Variants in HAUS6 observed in about 807,000 individuals in gnomAD.
HAUS6 encodes the protein HAUS augmin like complex subunit 6, also known as HAUS augmin-like complex subunit 6.
Under a neutral mutation model 106.8 loss-of-function variants are expected in HAUS6, and 80 were observed. The observed-to-expected ratio is 0.75, with a 90% CI of 0.63 to 0.90. The LOEUF is 0.90. Among genes scored for constraint, HAUS6 ranks in the 40% least tolerant of loss-of-function variants. HAUS6 has a pLI of 0.00. For missense variants in HAUS6, 1,155 were observed against 1,118.1 expected (o/e 1.03, Z -0.47); for synonymous variants, 356 against 379.1 (o/e 0.94, Z 0.71).
intron 8 of HAUS6, among the ~76,000 whole-genome samples, chr9:19,082,459 T>C (rs1837177663): frequency 6.6e-6 from 1 of 151,988 alleles, no homozygotes; most frequent in African/African-American, 2.4e-5. Flanking sequence ...CTCATAGAAA[T>C]AAATTCTGGC....
Position 19,054,026 on chromosome 9 carries a change from G to C in HAUS6, c.*2317C>G, listed in dbSNP as rs1392919449. The C allele has an allele frequency of 6.6e-6, 1 of 152,188 alleles. No homozygotes were observed. Among genetic ancestry groups the C allele is most frequent in the Non-Finnish European group, 1.5e-5 (1 of 68,032 alleles). 9.4% of individuals were successfully genotyped at this position (152,188 alleles called of 1,614,324 possible). On this transcript the variant is annotated 3_prime_UTR_variant, in exon 17 of 17. Transcript: ENST00000380502. ...TAAACCATAGGAGATTTCAGAGAAG[G>C]AGTAGGCACATGGATATAAAAAGCG...
rs1836415699 is a variant in HAUS6 at position 19,053,984 on chromosome 9, T to C, written c.*2359A>G. 1 of 152,102 alleles carries C rather than the reference T, an allele frequency of 6.6e-6. No individual in the cohort carries two copies. The highest frequency in any genetic ancestry group is 2.1e-4 in the South Asian group (1 of 4,836). 9.4% of individuals were successfully genotyped at this position (152,102 alleles called of 1,614,324 possible). On this transcript the variant is annotated 3_prime_UTR_variant, in exon 17 of 17. Coordinates refer to ENST00000380502, the MANE Select transcript of HAUS6 (RefSeq NM_017645.5). ...TATAATAAAATCAATTCGTGGGATA[T>C]TAAATGAATAAAAAGATAAACCATA... is the stretch of plus-strand genomic sequence containing the variant.
At chr9:19,086,560 T>C (rs1837299662) in intron 7 of HAUS6, among the ~76,000 whole-genome samples, 174 bp downstream of exon 7, 1 of 144,894 alleles carries the variant, frequency 6.9e-6, no homozygotes, top group Non-Finnish European at 1.5e-5. Context: ...GCAGAGGGTG[T>C]AGTGAGCCAA....
chr9:19,089,789 G>T, intron 4 of HAUS6: 1 of 514,216 alleles, frequency 1.9e-6, no homozygotes. Flanking sequence ...CTCCCCAAAA[G>T]CTAGTATACC....
chr9:19,079,388 C>G (rs1837086823), intron 9 of HAUS6, among the ~76,000 whole-genome samples: 1 of 151,342 alleles, frequency 6.6e-6, no homozygotes, highest in Admixed American at 6.6e-5. Flanking sequence ...CACGCCACCA[C>G]GCCTGGCTAA....
chr9:19,087,282 G>C (rs1837320882), intron 5 of HAUS6, 126 bp from the exon 6 acceptor site: 3 of 669,268 alleles, frequency 4.5e-6, no homozygotes, highest in Non-Finnish European at 5.4e-6. Context: ...GCAAGCTAAA[G>C]GACTCTAGAC....
Position 19,102,522 on chromosome 9 carries a change from A to G in HAUS6, c.128+2T>C. On this transcript the variant is annotated splice_donor_variant, in intron 1 of 16. Transcript: ENST00000380502. LOFTEE classifies it high-confidence loss of function. Reference sequence around the variant, plus strand: ...TCGCCCCGCCGGCCCCGGCCTCCTTACACTCCGAGGTGCGTGTGCGACACG... The same window carrying G: ...TCGCCCCGCCGGCCCCGGCCTCCTTGCACTCCGAGGTGCGTGTGCGACACG... The G allele has an allele frequency of 6.2e-7, 1 of 1,612,820 alleles. No homozygotes were observed. Among genetic ancestry groups the G allele is most frequent in the South Asian group, 1.1e-5 (1 of 90,964 alleles).
chr9:19,056,293 G>A lies in HAUS6; in HGVS notation c.*50C>T. ...AGTTGTAATTCATTTTCTATCCTGT[G>A]GCATAGCTTCAATTTAAGTGCATCA... On this transcript the variant is annotated 3_prime_UTR_variant, in exon 17 of 17. Coordinates refer to ENST00000380502, the MANE Select transcript of HAUS6 (RefSeq NM_017645.5). The A allele has an allele frequency of 1.2e-6, 1 of 859,730 alleles. No individual in the cohort carries two copies. The highest frequency in any genetic ancestry group is 2.0e-6 in the Non-Finnish European group (1 of 507,134). The allele number at this position is 859,730 out of a possible 1,614,324, so 53.3% of individuals were successfully genotyped here.
intron 1 of HAUS6, among the ~76,000 whole-genome samples, chr9:19,101,939 G>A (rs1817997190): frequency 6.6e-6 from 1 of 152,114 alleles, no homozygotes; most frequent in South Asian, 2.1e-4. Flanking sequence ...ATTCCTCTTG[G>A]CCTACAGTGG....
intron 2 of HAUS6, among the ~76,000 whole-genome samples, chr9:19,095,147 T>A (rs1564021679): frequency 1.3e-5 from 2 of 151,870 alleles, no homozygotes; most frequent in African/African-American, 4.8e-5. Flanking sequence ...AGATAATCCT[T>A]ATCATAACTG....
chr9:19,055,569 T>C lies in HAUS6; in HGVS notation c.*774A>G, dbSNP rs933514375. 3 of 152,364 alleles carry C rather than the reference T, an allele frequency of 2.0e-5. No homozygotes were observed. Among genetic ancestry groups the C allele is most frequent in the South Asian group, 2.1e-4 (1 of 4,830 alleles). The allele number at this position is 152,364 out of a possible 1,614,324, so 9.4% of individuals were successfully genotyped here. A position where few individuals can be genotyped will look rare whatever the true frequency, so the allele number is the denominator to read the frequency against. Reference sequence around the variant, plus strand: ...ATTTTAATTTATATTTTTGTTAAAATATAAAAGTAGCATTAAATTATCAAA... The same window carrying C: ...ATTTTAATTTATATTTTTGTTAAAACATAAAAGTAGCATTAAATTATCAAA... On this transcript the variant is annotated 3_prime_UTR_variant, in exon 17 of 17. Transcript: ENST00000380502.
intron 1 of HAUS6, among the ~76,000 whole-genome samples, chr9:19,102,131 A>G (rs1043502815): frequency 1.3e-5 from 2 of 152,304 alleles, no homozygotes; most frequent in African/African-American, 4.8e-5. Context: ...AAAATTAAAC[A>G]ACCACCTTCA....
At chr9:19,096,509 G>T (rs568832076) in intron 2 of HAUS6, among the ~76,000 whole-genome samples, 165 bp downstream of exon 2, 1 of 133,258 alleles carries the variant, frequency 7.5e-6, no homozygotes, top group Admixed American at 8.6e-5. Context: ...AGGTTGCAGT[G>T]AGCCTAGATC....
intron 1 of HAUS6, among the ~76,000 whole-genome samples, chr9:19,100,389 T>G (rs1330147562): frequency 2.0e-5 from 3 of 152,192 alleles, no homozygotes; most frequent in East Asian, 3.9e-4. Flanking sequence ...AAAAGTAAAT[T>G]TAATGCCACA....
chr9:19,101,334 A>C (rs1187194915), intron 1 of HAUS6, among the ~76,000 whole-genome samples: 1 of 152,070 alleles, frequency 6.6e-6, no homozygotes, highest in Non-Finnish European at 1.5e-5. Context: ...CAGCCTGGGC[A>C]ACATGCCGAC....
At chr9:19,074,333 G>A (rs72696465) in intron 11 of HAUS6, among the ~76,000 whole-genome samples, 5,283 of 152,192 alleles carry the variant, frequency 0.035, 113 homozygotes, top group Non-Finnish European at 0.051. Flanking sequence ...GTGCAGTGGA[G>A]CAGTAATAGA....
rs1288633718 is a variant in HAUS6, at chr9:19,053,977, T to G, written c.*2366A>C. 1 of 152,000 alleles carries G rather than the reference T, an allele frequency of 6.6e-6. No individual in the cohort carries two copies. Among genetic ancestry groups the G allele is most frequent in the Admixed American group, 6.6e-5 (1 of 15,254 alleles). 9.4% of individuals were successfully genotyped at this position (152,000 alleles called of 1,614,324 possible). A position where few individuals can be genotyped will look rare whatever the true frequency, so the allele number is the denominator to read the frequency against. On this transcript the variant is annotated 3_prime_UTR_variant, in exon 17 of 17. Coordinates refer to ENST00000380502, the MANE Select transcript of HAUS6 (RefSeq NM_017645.5). ...AAAAATATATAATAAAATCAATTCG[T>G]GGGATATTAAATGAATAAAAAGATA...
At chr9:19,067,971 G>C (rs1483274620) in intron 12 of HAUS6, among the ~76,000 whole-genome samples, 1 of 151,754 alleles carries the variant, frequency 6.6e-6, no homozygotes, top group Non-Finnish European at 1.5e-5. Flanking sequence ...TGGGATTACA[G>C]GCATGAGCCA....
At chr9:19,057,836 C>G in intron 16 of HAUS6, 125 bp downstream of exon 16, 2 of 609,634 alleles carry the variant, frequency 3.3e-6, no homozygotes, top group Non-Finnish European at 5.8e-6. Context: ...TCCCCTCATC[C>G]TAAATGAAGG....
Sources: allele counts gnomAD v4.1 joint callset (sites outside exome capture counted in the v4.1 genomes callset), GRCh38; gene constraint gnomAD v4.1.1; transcripts MANE v1.5; gene names NCBI Gene and HGNC (gene_info 2026-07-23, HGNC 2026-07-21).